Variants in RYR2 observed in about 807,000 individuals in gnomAD.
RYR2 encodes the protein ryanodine receptor 2.
In RYR2, 227 loss-of-function variants were observed where a neutral mutation model predicts 601.1. The observed-to-expected ratio is 0.38, with a 90% CI of 0.34 to 0.42. The LOEUF is 0.42. RYR2 is among the 10% of genes least tolerant of loss of function. RYR2 has a pLI of 1.00. For synonymous variants in RYR2, 2,223 were observed against 2,175.1 expected, an observed-to-expected ratio of 1.02 and a Z score of -0.61; for missense variants, 4,646 against 6,156.5, an observed-to-expected ratio of 0.75 and a Z score of 8.21.
intron 92 of RYR2, among the ~76,000 whole-genome samples, chr1:237,789,629 A>G (rs148915378): frequency 2.4e-4 from 27 of 110,710 alleles, no homozygotes; most frequent in Non-Finnish European, 5.6e-4. Flanking sequence ...GCAGCACCCC[A>G]GTGGGTTCCT....
intron 1 of RYR2, among the ~76,000 whole-genome samples, chr1:237,179,941 T>C (rs1329883038): frequency 1.3e-5 from 2 of 152,086 alleles, no homozygotes; most frequent in African/African-American, 2.4e-5. Flanking sequence ...AGGGTCAGCA[T>C]GTCCTTTGTA....
At position 237,730,314 on chromosome 1, in the gene RYR2, A is replaced by T. The variant is rs1207013704; in HGVS notation, c.10893A>T (p.Thr3631=). 1.2e-6 allele frequency: 2 copies of T among 1,606,568 alleles called. No homozygotes were observed. Among genetic ancestry groups the T allele is most frequent in the East Asian group, 4.5e-5 (2 of 44,838 alleles). ...LQGYEKSWIE[T]EEHYFEDKLI... The stretch of plus-strand genomic sequence containing the variant: ...GATATGAAAAGTCTTGGATTGAAAC[A>T]GAAGAACATTACTTTGAAGATAAAC... Residue 3631 remains threonine, a synonymous_variant, in exon 77 of 105, where the codon ACA becomes ACT. Coordinates refer to ENST00000366574, the MANE Select transcript of RYR2 (RefSeq NM_001035.3).
At chr1:237,444,811 C>A in intron 13 of RYR2, among the ~76,000 whole-genome samples, 1 of 152,240 alleles carries the variant, frequency 6.6e-6, no homozygotes, top group East Asian at 1.9e-4. Context: ...AAAAAACTAT[C>A]AAAAGAAAAG....
At chr1:237,829,484 T>C (rs771710736) in intron 102 of RYR2, among the ~76,000 whole-genome samples, 3 of 152,140 alleles carry the variant, frequency 2.0e-5, no homozygotes, top group Non-Finnish European at 4.4e-5. Context: ...AGCCACCAGA[T>C]GGATGGTGGC....
chr1:237,528,982 G>A (rs1052308681), intron 24 of RYR2, among the ~76,000 whole-genome samples: 1 of 152,074 alleles, frequency 6.6e-6, no homozygotes, highest in Non-Finnish European at 1.5e-5. Context: ...TCAGAGCTGG[G>A]TTGGACATCC....
At chr1:237,778,840 C>A in intron 88 of RYR2, 70 bp downstream of exon 88, 4 of 767,232 alleles carry the variant, frequency 5.2e-6, no homozygotes, top group South Asian at 1.5e-5. Context: ...GCAAATTAAA[C>A]ATGCTTTTTG....
chr1:237,826,921 C>G (rs140949244), intron 101 of RYR2, among the ~76,000 whole-genome samples: 1 of 152,196 alleles, frequency 6.6e-6, no homozygotes, highest in African/African-American at 2.4e-5. Flanking sequence ...GCATCCAGAC[C>G]CCTTCAACCA....
At chr1:237,822,579 C>T (rs900793538) in intron 101 of RYR2, among the ~76,000 whole-genome samples, 7 of 152,098 alleles carry the variant, frequency 4.6e-5, no homozygotes, top group African/African-American at 1.7e-4. Flanking sequence ...AAAAACATAC[C>T]AGATTGTAAA....
At chr1:237,443,795 A>C (rs1385831433) in intron 13 of RYR2, among the ~76,000 whole-genome samples, 1 of 152,186 alleles carries the variant, frequency 6.6e-6, no homozygotes, top group Non-Finnish European at 1.5e-5. Context: ...GGCTATACGG[A>C]AACAGGTGAT....
At chr1:237,505,945 T>C (rs1303104151) in intron 22 of RYR2, among the ~76,000 whole-genome samples, 1 of 152,068 alleles carries the variant, frequency 6.6e-6, no homozygotes, top group African/African-American at 2.4e-5. Flanking sequence ...AGTAACAGAG[T>C]AGAGTGTAGG....
At chr1:237,232,348 A>G (rs903688592) in intron 1 of RYR2, among the ~76,000 whole-genome samples, 2 of 152,126 alleles carry the variant, frequency 1.3e-5, no homozygotes, top group African/African-American at 4.8e-5. Context: ...TGCCAACGTA[A>G]GGAAGCCTCC....
chr1:237,138,034 T>TTTTATTTTA (rs1336007834), intron 1 of RYR2, among the ~76,000 whole-genome samples: 1 of 152,110 alleles, frequency 6.6e-6, no homozygotes, highest in African/African-American at 2.4e-5. Flanking sequence ...TTTTATTTTA[T>TTTTATTTTA]TTTATTTTAT....
chr1:237,687,097 C>T (rs1289256029), intron 62 of RYR2, among the ~76,000 whole-genome samples: 1 of 151,992 alleles, frequency 6.6e-6, no homozygotes, highest in Non-Finnish European at 1.5e-5. Flanking sequence ...GCAGATAAAA[C>T]CAAATTTTTT....
chr1:237,709,958 A>G (rs539166369), intron 70 of RYR2, among the ~76,000 whole-genome samples: 24 of 152,316 alleles, frequency 1.6e-4, no homozygotes, highest in Middle Eastern at 3.4e-3. Context: ...TACTGCTTCC[A>G]TAAATTTGTT....
intron 79 of RYR2, among the ~76,000 whole-genome samples, chr1:237,739,551 T>A (rs751275303): frequency 1.3e-5 from 2 of 152,224 alleles, no homozygotes; most frequent in African/African-American, 4.8e-5. Context: ...AGTTTCCAGC[T>A]AAGGGAACTC....
At chr1:237,225,701 G>A (rs1244902278) in intron 1 of RYR2, among the ~76,000 whole-genome samples, 1 of 152,158 alleles carries the variant, frequency 6.6e-6, no homozygotes, top group Admixed American at 6.5e-5. Context: ...GACAGAAAGA[G>A]CCATGGAGTG....
At chr1:237,647,701 A>T (rs993442238) in intron 48 of RYR2, among the ~76,000 whole-genome samples, 1 of 152,230 alleles carries the variant, frequency 6.6e-6, no homozygotes, top group Admixed American at 6.5e-5. Flanking sequence ...GTAGAAGAGT[A>T]CAGTGTGTGG....
intron 35 of RYR2, among the ~76,000 whole-genome samples, chr1:237,607,645 A>G (rs958607488): frequency 1.3e-5 from 2 of 152,224 alleles, no homozygotes; most frequent in African/African-American, 4.8e-5. Context: ...TCAGGATCTC[A>G]AGGAGACTGA....
At chr1:237,497,480 G>A (rs1326987957) in intron 20 of RYR2, among the ~76,000 whole-genome samples, 1 of 152,144 alleles carries the variant, frequency 6.6e-6, no homozygotes, top group African/African-American at 2.4e-5. Flanking sequence ...TTTTTTAGAT[G>A]TTAAAATTCA....
Sources: allele counts gnomAD v4.1 joint callset (sites outside exome capture counted in the v4.1 genomes callset), GRCh38; gene constraint gnomAD v4.1.1; transcripts MANE v1.5; gene names NCBI Gene and HGNC (gene_info 2026-07-23, HGNC 2026-07-21).